ENPP2: variants seen among roughly 807,000 people sequenced by gnomAD.
ENPP2 encodes ectonucleotide pyrophosphatase/phosphodiesterase 2.
ENPP2 carries 51 observed loss-of-function variants against 120.2 expected under a neutral mutation model. That is an observed-to-expected ratio of 0.42 (90% CI 0.34 to 0.54). ENPP2 has a LOEUF of 0.54. Ranked by LOEUF, ENPP2 falls within the 20% of genes least tolerant of loss-of-function variation. The pLI, the probability that ENPP2 is intolerant of heterozygous loss-of-function variation, is 0.04. For missense variants in ENPP2, 920 were observed against 1,066.5 expected (o/e 0.86, Z 1.91); for synonymous variants, 365 against 366.4 (o/e 1.00, Z 0.04).
rs2129823919 is a variant in ENPP2 at position 119,557,645 on chromosome 8, T to C, written c.2468A>G (p.His823Arg). 1 of 1,599,278 alleles carries C rather than the reference T, an allele frequency of 6.3e-7. No homozygotes were observed. The highest frequency in any genetic ancestry group is 1.3e-5 in the African/African-American group (1 of 74,124). Residue 823 changes from histidine to arginine, a missense_variant, in exon 25 of 25, where the codon CAC becomes CGC. Coordinates refer to ENST00000075322, the MANE Select transcript of ENPP2 (RefSeq NM_001040092.3). ...TTCAATGTCACGCACCCTAGCTGTG[T>C]GCATCTTCATGAGTTCTTCTACCCA... is the stretch of plus-strand genomic sequence containing the variant. ...SKWVEELMKM[H>R]TARVRDIEHL...
At chr8:119,663,481 G>A (rs1370246301) in intron 1 of ENPP2, among the ~76,000 whole-genome samples, 1 of 152,050 alleles carries the variant, frequency 6.6e-6, no homozygotes, top group African/African-American at 2.4e-5. Flanking sequence ...GGGCATCCTG[G>A]GATTTTATTG....
At chr8:119,559,832 G>T (rs1055274259) in intron 24 of ENPP2, among the ~76,000 whole-genome samples, 9 of 152,110 alleles carry the variant, frequency 5.9e-5, no homozygotes, top group Non-Finnish European at 2.9e-5. Flanking sequence ...TTCTCCCCAG[G>T]TTTGTGAATT....
intron 1 of ENPP2, among the ~76,000 whole-genome samples, chr8:119,648,588 G>A (rs564013770): frequency 4.6e-5 from 7 of 152,144 alleles, no homozygotes; most frequent in South Asian, 2.1e-4. Flanking sequence ...TACACTTGCC[G>A]CTGCAAAGGT....
At chr8:119,572,130 G>A in intron 19 of ENPP2, 1 of 1,051,002 alleles carries the variant, frequency 9.5e-7, no homozygotes. Flanking sequence ...GTAGTACTTA[G>A]GGGCAGTAAA....
chr8:119,644,299 C>T (rs545973534), intron 1 of ENPP2, among the ~76,000 whole-genome samples: 9 of 151,606 alleles, frequency 5.9e-5, no homozygotes, highest in East Asian at 1.9e-4. Context: ...GAGGCTATGG[C>T]GGCGTGGAGA....
chr8:119,560,963 C>A (rs746422127), intron 24 of ENPP2, among the ~76,000 whole-genome samples: 1 of 152,096 alleles, frequency 6.6e-6, no homozygotes. Flanking sequence ...TACACATAAT[C>A]GGATCACAAC....
Position 119,583,974 on chromosome 8 carries a change from G to A in ENPP2, c.1443C>T (p.Val481=). Residue 481 remains valine (V), a synonymous_variant, in exon 16 of 25, where the codon GTC becomes GTT. Coordinates refer to ENST00000075322, the MANE Select transcript of ENPP2 (RefSeq NM_001040092.3). ...FQGDHGFDNK[V]NSMQTVFVGY... ...TCTGCCATCATACCTGCATGCTGTTGACCTTGTTATCAAATCCGTGGTCTC... is the reference window on the plus strand; with the variant it reads ...TCTGCCATCATACCTGCATGCTGTTAACCTTGTTATCAAATCCGTGGTCTC... The A allele has an allele frequency of 6.2e-7, 1 of 1,612,632 alleles. No homozygotes were observed. The highest frequency in any genetic ancestry group is 8.5e-7 in the Non-Finnish European group (1 of 1,178,720).
intron 2 of ENPP2, among the ~76,000 whole-genome samples, chr8:119,627,210 G>A (rs1267176368): frequency 6.6e-6 from 1 of 152,010 alleles, no homozygotes; most frequent in East Asian, 1.9e-4. Flanking sequence ...TCCAAGAACA[G>A]AACGAATATA....
At chr8:119,656,204 A>T (rs930245031) in intron 1 of ENPP2, among the ~76,000 whole-genome samples, 4 of 152,170 alleles carry the variant, frequency 2.6e-5, no homozygotes, top group African/African-American at 9.7e-5. Context: ...CCCTTTCTGC[A>T]GCTATTTCCC....
At position 119,600,702 on chromosome 8, in the gene ENPP2, G is replaced by A; in HGVS notation, c.948C>T (p.His316=). 2 of 1,612,746 alleles carry A rather than the reference G, an allele frequency of 1.2e-6. No homozygotes were observed. Among genetic ancestry groups the A allele is most frequent in the East Asian group, 2.2e-5 (1 of 44,878 alleles). The change falls in exon 11 of 25, where the codon CAC becomes CAT. Residue 316 remains histidine, a synonymous_variant. Transcript: ENST00000075322. Reference sequence around the variant, plus strand: ...CCTCAGGGCCGAAAGGGCCATATTTGTGTCCAGAGAAATCAGGTTGCTCAG... The same window carrying A: ...CCTCAGGGCCGAAAGGGCCATATTTATGTCCAGAGAAATCAGGTTGCTCAG... ...FYSEQPDFSG[H]KYGPFGPEMT...
rs749092408 is a variant in ENPP2 at position 119,580,111 on chromosome 8, C to T, written c.1780+5G>A. 1.9e-6 allele frequency: 3 copies of T among 1,610,892 alleles called. 1 individual carries two copies. Among genetic ancestry groups the T allele is most frequent in the Admixed American group, 1.7e-5 (1 of 60,016 alleles). On this transcript the variant is annotated splice_donor_5th_base_variant and intron_variant, in intron 19 of 24. Coordinates refer to ENST00000075322, the MANE Select transcript of ENPP2 (RefSeq NM_001040092.3). ...TTATCTGATTATTTTGCAACCACCC[C>T]TTACCTTCTGTAGACCCTTTTGTAT...
At chr8:119,648,104 T>C (rs1309106377) in intron 1 of ENPP2, among the ~76,000 whole-genome samples, 1 of 152,344 alleles carries the variant, frequency 6.6e-6, no homozygotes, top group Non-Finnish European at 1.5e-5. Flanking sequence ...TGAGTTTCTT[T>C]TAAAAAATAA....
In ENPP2 at chr8:119,568,686, A is replaced by C. The variant is rs533500497; in HGVS notation, c.2054-434T>G. On this transcript the variant is annotated intron_variant, in intron 21 of 24. Coordinates refer to ENST00000075322, the MANE Select transcript of ENPP2 (RefSeq NM_001040092.3). Reference sequence around the variant, plus strand: ...CCTGATCACAGCCCACTGTAGCCTCAATCTCCCAGATTTAAGGGATCCTCC... The same window carrying C: ...CCTGATCACAGCCCACTGTAGCCTCCATCTCCCAGATTTAAGGGATCCTCC... 5.5e-4 allele frequency among the ~76,000 whole-genome samples: 83 copies of C among 152,134 alleles called. 1 individual carries two copies. Among genetic ancestry groups the C allele is most frequent in the African/African-American group, 1.8e-3 (75 of 41,516 alleles).
At position 119,568,171 on chromosome 8, in the gene ENPP2, T is replaced by G; in HGVS notation, c.2131+4A>C. ...ACAGTGTATTAGGTAAATATTGGAC[T>G]TACGTTTGAAAGCAGGATACATTGG... On this transcript the variant is annotated splice_donor_region_variant and intron_variant, in intron 22 of 24. Coordinates refer to ENST00000075322, the MANE Select transcript of ENPP2 (RefSeq NM_001040092.3). 1 of 1,506,522 alleles carries G rather than the reference T, an allele frequency of 6.6e-7. No individual in the cohort carries two copies. The highest frequency in any genetic ancestry group is 1.7e-4 in the Middle Eastern group (1 of 5,822). 93.3% of individuals were successfully genotyped at this position (1,506,522 alleles called of 1,614,324 possible).
In ENPP2 at chr8:119,600,670, C is replaced by A. The variant is rs766526723; in HGVS notation, c.972+8G>T. On this transcript the variant is annotated splice_region_variant and intron_variant, in intron 11 of 24. Transcript: ENST00000075322. ...AGATTCTTCTCAGGCAGATGCTAAA[C>A]CACTAACCTCAGGGCCGAAAGGGCC... 1.1e-5 allele frequency: 18 copies of A among 1,591,946 alleles called. No individual in the cohort carries two copies. The Admixed American group carries it at 2.8e-4, about 25-fold the overall frequency.
rs558398885 is a variant in ENPP2 at position 119,577,298 on chromosome 8, A to G, written c.1780+2818T>C. ...TCAAAGGTACCTAGAAAGGGGAAGTAATTGCCCTGAACATAATACATGTGT... is the reference window on the plus strand; with the variant it reads ...TCAAAGGTACCTAGAAAGGGGAAGTGATTGCCCTGAACATAATACATGTGT... On this transcript the variant is annotated intron_variant, in intron 19 of 24. Transcript: ENST00000075322. Among the ~76,000 whole-genome samples the G allele has an allele frequency of 2.0e-4, 30 of 152,352 alleles. No homozygotes were observed. The South Asian group carries it at 6.0e-3, about 31-fold the overall frequency.
At chr8:119,671,307 A>T (rs1587601996) in intron 1 of ENPP2, among the ~76,000 whole-genome samples, 1 of 152,114 alleles carries the variant, frequency 6.6e-6, no homozygotes, top group African/African-American at 2.4e-5. Context: ...TCTCAAAAAA[A>T]AGAAAGAAAG....
intron 1 of ENPP2, among the ~76,000 whole-genome samples, chr8:119,649,237 CAA>C (rs34542482): frequency 1.0e-4 from 11 of 110,044 alleles, no homozygotes; most frequent in African/African-American, 1.3e-4. Context: ...ACTAAAAATA[CAA>C]AAAAAAAAAA....
In ENPP2 at chr8:119,562,861, C is replaced by T; in HGVS notation, c.2417G>A (p.Cys806Tyr). 6.2e-7 allele frequency: 1 copy of T among 1,613,846 alleles called. No homozygotes were observed. Among genetic ancestry groups the T allele is most frequent in the Non-Finnish European group, 8.5e-7 (1 of 1,179,834 alleles). The change falls in exon 24 of 25, where the codon TGC becomes TAC. Residue 806 changes from cysteine (C) to tyrosine (Y), a missense_variant. By Grantham distance (194) the Cys-to-Tyr change is radical. Coordinates refer to ENST00000075322, the MANE Select transcript of ENPP2 (RefSeq NM_001040092.3). Reference protein sequence around the residue: ...LPHRPDNEESCNSSEDESKWV... With the variant: ...LPHRPDNEESYNSSEDESKWV... ...GGACTCTCTCTGTAAACTCACATTG[C>T]AGCTCTCCTCGTTGTCAGGCCGGTG...
Sources: allele counts gnomAD v4.1 joint callset (sites outside exome capture counted in the v4.1 genomes callset), GRCh38; gene constraint gnomAD v4.1.1; transcripts MANE v1.5; gene names NCBI Gene and HGNC (gene_info 2026-07-23, HGNC 2026-07-21).